Variants in EPB41L3 observed in about 807,000 individuals in gnomAD.
The protein encoded by EPB41L3 is band 4.1-like protein 3.
Under a neutral mutation model 127.1 loss-of-function variants are expected in EPB41L3, and 57 were observed. That is an observed-to-expected ratio of 0.45 (90% CI 0.36 to 0.56). The LOEUF (loss-of-function observed/expected upper bound fraction) is 0.56, where lower values mean the gene tolerates loss of function less well. Among genes scored for constraint, EPB41L3 ranks in the 20% least tolerant of loss-of-function variants. EPB41L3 has a pLI of 0.00. For synonymous variants in EPB41L3, 572 were observed against 549.5 expected, an observed-to-expected ratio of 1.04 and a Z score of -0.57; for missense variants, 1,273 against 1,372.2, an observed-to-expected ratio of 0.93 and a Z score of 1.14.
intron 3 of EPB41L3, among the ~76,000 whole-genome samples, chr18:5,589,493 T>C (rs1324349038): frequency 1.3e-5 from 2 of 152,184 alleles, no homozygotes; most frequent in African/African-American, 4.8e-5. Flanking sequence ...ATAAAACATA[T>C]GAAGATATGG....
chr18:5,437,793 G>T (rs2080077842), intron 6 of EPB41L3, among the ~76,000 whole-genome samples: 1 of 152,120 alleles, frequency 6.6e-6, no homozygotes, highest in South Asian at 2.1e-4. Context: ...TCTCAGTTCT[G>T]CAAGTTTTCC....
intron 1 of EPB41L3, among the ~76,000 whole-genome samples, chr18:5,532,563 A>T (rs1360336453): frequency 6.6e-6 from 1 of 152,208 alleles, no homozygotes; most frequent in African/African-American, 2.4e-5. Context: ...AATTTCAAAG[A>T]CATGCGTTTG....
intron 13 of EPB41L3, among the ~76,000 whole-genome samples, chr18:5,412,478 G>A (rs1049193161): frequency 6.6e-5 from 10 of 152,038 alleles, no homozygotes; most frequent in Admixed American, 2.0e-4. Flanking sequence ...CGCCTGCCTC[G>A]GCCCCCTAAA....
In EPB41L3 at chr18:5,606,882, TTCTCTCTC is replaced by T. The variant is rs59299599; in HGVS notation, c.-306+5450_-306+5457del. Among the ~76,000 whole-genome samples the T allele has an allele frequency of 1.9e-3, 262 of 141,390 alleles. 1 individual carries two copies. The highest frequency in any genetic ancestry group is 9.3e-3 in the East Asian group (42 of 4,500). The allele number at this position is 141,390 out of a possible 152,430, so 92.8% of individuals were successfully genotyped here. On this transcript the variant is annotated intron_variant, in intron 3 of 21. Coordinates refer to the EPB41L3 transcript ENST00000545076. ...CTAACACCTGCCCACCATGGCGTCA[TTCTCTCTC>T]TCTCTCTCTCTCTCTCTCTCTCTCT...
upstream of EPB41L3, chr18:5,630,503 C>T (rs762274481): frequency 3.9e-6 from 2 of 518,496 alleles, no homozygotes; most frequent in Non-Finnish European, 7.7e-6. Flanking sequence ...CAGGTCCCTC[C>T]GCAGGGGCTC....
At chr18:5,499,617 A>G (rs1403653218) in intron 1 of EPB41L3, among the ~76,000 whole-genome samples, 1 of 151,768 alleles carries the variant, frequency 6.6e-6, no homozygotes, top group Non-Finnish European at 1.5e-5. Flanking sequence ...ATACAAAAAA[A>G]TTAGCCGGGC....
chr18:5,478,726 C>A (rs1233415630), intron 2 of EPB41L3, among the ~76,000 whole-genome samples: 5 of 152,174 alleles, frequency 3.3e-5, no homozygotes, highest in African/African-American at 9.7e-5. Flanking sequence ...GAATAATTGA[C>A]TCCTGACTTT....
At chr18:5,535,368 A>C (rs749654313) in intron 1 of EPB41L3, among the ~76,000 whole-genome samples, 1 of 152,232 alleles carries the variant, frequency 6.6e-6, no homozygotes, top group Admixed American at 6.5e-5. Flanking sequence ...AATTCAGAGG[A>C]AAAGTTTTCC....
At chr18:5,593,365 C>T (rs896737385) in intron 3 of EPB41L3, among the ~76,000 whole-genome samples, 1 of 152,098 alleles carries the variant, frequency 6.6e-6, no homozygotes. Flanking sequence ...AGGGAGACAT[C>T]ACATTTTGGT....
chr18:5,531,133 T>C (rs1410191292), intron 1 of EPB41L3, among the ~76,000 whole-genome samples: 1 of 152,188 alleles, frequency 6.6e-6, no homozygotes, highest in African/African-American at 2.4e-5. Flanking sequence ...ATCTTCACAA[T>C]AGTTCTGAAA....
At chr18:5,557,400 T>A (rs1283984861) in intron 3 of EPB41L3, among the ~76,000 whole-genome samples, 1 of 152,232 alleles carries the variant, frequency 6.6e-6, no homozygotes, top group Admixed American at 6.5e-5. Context: ...TTTTTGTTTT[T>A]TGAGACAGGG....
At chr18:5,414,475 G>A (rs553784540) in intron 13 of EPB41L3, among the ~76,000 whole-genome samples, 61 of 152,018 alleles carry the variant, frequency 4.0e-4, no homozygotes, top group African/African-American at 1.4e-3. Flanking sequence ...ATAGATACTC[G>A]CACACCCTCA....
At chr18:5,599,668 G>C (rs142696777) in intron 3 of EPB41L3, among the ~76,000 whole-genome samples, 1 of 152,200 alleles carries the variant, frequency 6.6e-6, no homozygotes, top group African/African-American at 2.4e-5. Flanking sequence ...TCTTGCTCCT[G>C]CTTTTGCCAT....
chr18:5,597,905 A>G (rs1249628482), intron 3 of EPB41L3, among the ~76,000 whole-genome samples: 2 of 152,200 alleles, frequency 1.3e-5, no homozygotes, highest in Non-Finnish European at 2.9e-5. Context: ...CAGCAGTAGC[A>G]GCAGCAGCTC....
chr18:5,560,318 C>CACTAATCTAGATTCAGCA (rs2094106375), intron 3 of EPB41L3, among the ~76,000 whole-genome samples: 1 of 152,146 alleles, frequency 6.6e-6, no homozygotes, highest in Non-Finnish European at 1.5e-5. Context: ...CCATAATTGA[C>CACTAATCTAGATTCAGCA]ACTAATCTAG....
rs576839943 is a variant in EPB41L3, at chr18:5,489,070, C to G, written c.114G>C (p.Lys38Asn). 1.8e-4 allele frequency: 289 copies of G among 1,595,370 alleles called. 2 individuals carry two copies. The East Asian group carries it at 6.5e-3, about 36-fold the overall frequency. Residue 38 changes from lysine (K) to asparagine (N), a missense_variant, in exon 2 of 23, where the codon AAG becomes AAC. Lys to Asn is a moderately conservative substitution (Grantham distance 94). This residue lies in a region of EPB41L3 where 182 missense variants were observed against 149.2 expected (regional missense o/e 1.22). Transcript: ENST00000341928. ...RAGAPVPEPP[K>N]EEQQQALEQF... The stretch of plus-strand genomic sequence containing the variant: ...GCTCCAGGGCCTGCTGCTGCTCCTC[C>G]TTGGGCGGCTCCGGCACGGGCGCCC...
At position 5,443,823 on chromosome 18, in the gene EPB41L3, T is replaced by C; in HGVS notation, c.529+15A>G. The C allele has an allele frequency of 6.2e-7, 1 of 1,607,382 alleles. No individual in the cohort carries two copies. The highest frequency in any genetic ancestry group is 8.5e-7 in the Non-Finnish European group (1 of 1,176,754). ...ACCTTCACATTTCCACAAAAAATAA[T>C]CCAAAAGAACTTACTTCGAACCTGT... On this transcript the variant is annotated intron_variant, in intron 5 of 22. Transcript: ENST00000341928.
intron 3 of EPB41L3, among the ~76,000 whole-genome samples, chr18:5,475,973 T>C (rs1247739398): frequency 6.6e-6 from 1 of 152,176 alleles, no homozygotes; most frequent in African/African-American, 2.4e-5. Flanking sequence ...GTTTACCTAG[T>C]ATGCCCCGTG....
At chr18:5,456,184 C>T (rs1212923972) in intron 3 of EPB41L3, among the ~76,000 whole-genome samples, 2 of 152,144 alleles carry the variant, frequency 1.3e-5, no homozygotes, top group Admixed American at 6.5e-5. Context: ...AGCACTGTCA[C>T]TTTTCAATTC....
Sources: allele counts gnomAD v4.1 joint callset (sites outside exome capture counted in the v4.1 genomes callset), GRCh38; gene constraint gnomAD v4.1.1; regional missense constraint gnomAD v4.1.1; transcripts MANE v1.5; gene names NCBI Gene and HGNC (gene_info 2026-07-23, HGNC 2026-07-21).